PAFAH1B1: variants seen among roughly 807,000 people sequenced by gnomAD.
PAFAH1B1 encodes the protein platelet-activating factor acetylhydrolase IB subunit beta.
PAFAH1B1 carries 2 observed loss-of-function variants against 57.5 expected under a neutral mutation model. The observed-to-expected ratio is 0.03, with a 90% CI of 0.01 to 0.11. The LOEUF (loss-of-function observed/expected upper bound fraction) is 0.11, where lower values mean the gene tolerates loss of function less well. Among genes scored for constraint, PAFAH1B1 ranks in the 10% least tolerant of loss-of-function variants. The probability of loss-of-function intolerance (pLI) is 1.00; values close to 1 mark genes in which losing one functional copy is unlikely to be tolerated. For missense variants in PAFAH1B1, 257 were observed against 512.0 expected (o/e 0.50, Z 4.81); for synonymous variants, 152 against 169.6 (o/e 0.90, Z 0.81).
At chr17:2,614,020 G>GTTT (rs1567528392) in intron 1 of PAFAH1B1, 1 of 85,478 alleles carries the variant, frequency 1.2e-5, no homozygotes, top group African/African-American at 6.5e-5. Flanking sequence ...TTATATATTG[G>GTTT]GTTTTTTTTT....
intron 1 of PAFAH1B1, among the ~76,000 whole-genome samples, chr17:2,619,108 G>A (rs1000584901): frequency 6.6e-6 from 1 of 151,926 alleles, no homozygotes; most frequent in Non-Finnish European, 1.5e-5. Context: ...GTTTTAGCTG[G>A]GGTTTTTTGT....
chr17:2,647,521 A>T (rs935910653), intron 2 of PAFAH1B1, among the ~76,000 whole-genome samples: 12 of 152,182 alleles, frequency 7.9e-5, no homozygotes, highest in Non-Finnish European at 1.5e-4. Flanking sequence ...TGGGTGACAG[A>T]GTGAGACCCT....
At chr17:2,625,521 C>T (rs2068478132) in intron 1 of PAFAH1B1, among the ~76,000 whole-genome samples, 1 of 152,092 alleles carries the variant, frequency 6.6e-6, no homozygotes, top group South Asian at 2.1e-4. Flanking sequence ...ACTTCTATAC[C>T]AGGTAGTATG....
intron 1 of PAFAH1B1, among the ~76,000 whole-genome samples, chr17:2,636,475 C>T (rs1394506512): frequency 6.6e-6 from 1 of 152,006 alleles, no homozygotes; most frequent in Non-Finnish European, 1.5e-5. Flanking sequence ...GTTTTTGAGA[C>T]GGACTCTTCC....
At chr17:2,674,819 C>A (rs1484307011) in intron 8 of PAFAH1B1, among the ~76,000 whole-genome samples, 2 of 152,044 alleles carry the variant, frequency 1.3e-5, no homozygotes, top group Non-Finnish European at 2.9e-5. Flanking sequence ...TCTTTGTGAT[C>A]TTTATGGTTT....
chr17:2,670,125 T>C, intron 5 of PAFAH1B1, 38 bp from the exon 6 acceptor site: 1 of 1,587,102 alleles, frequency 6.3e-7, no homozygotes, highest in Non-Finnish European at 8.7e-7. Flanking sequence ...AAAGGAGTGA[T>C]GGAGTTGGTG....
intron 1 of PAFAH1B1, among the ~76,000 whole-genome samples, chr17:2,614,168 G>C (rs555225879): frequency 3.4e-5 from 5 of 148,904 alleles, no homozygotes; most frequent in Admixed American, 6.7e-5. Flanking sequence ...AGCTGGGACC[G>C]CAGGTGTGTG....
rs147133096 is a variant in PAFAH1B1, at chr17:2,616,785, C to T, written c.-190-21314C>T. ...TTATGGTGAAAGGCAAAGGGCAGAC[C>T]GGGTGCAGTGGCTCACGCCTGTAAT... On this transcript the variant is annotated intron_variant, in intron 1 of 10. Coordinates refer to ENST00000397195, the MANE Select transcript of PAFAH1B1 (RefSeq NM_000430.4). Among the ~76,000 whole-genome samples the T allele has an allele frequency of 6.5e-3, 992 of 152,064 alleles. 23 individuals are homozygous for T. The highest frequency in any genetic ancestry group is 2.6e-3 in the Non-Finnish European group (177 of 67,986).
In PAFAH1B1 at chr17:2,638,264, A is replaced by C; in HGVS notation, c.-25A>C. Reference sequence around the variant, plus strand: ...CAAAGGAGGGACATACCACTATATCAGATAAGCTTGACATTACAGCCAAGA... The same window carrying C: ...CAAAGGAGGGACATACCACTATATCCGATAAGCTTGACATTACAGCCAAGA... On this transcript the variant is annotated 5_prime_UTR_variant, in exon 2 of 11. Coordinates refer to ENST00000397195, the MANE Select transcript of PAFAH1B1 (RefSeq NM_000430.4). 6.2e-7 allele frequency: 1 copy of C among 1,605,636 alleles called. No individual in the cohort carries two copies. Among genetic ancestry groups the C allele is most frequent in the Non-Finnish European group, 8.5e-7 (1 of 1,173,546 alleles).
At chr17:2,668,903 G>A (rs923769763) in intron 5 of PAFAH1B1, among the ~76,000 whole-genome samples, 1 of 151,518 alleles carries the variant, frequency 6.6e-6, no homozygotes, top group African/African-American at 2.4e-5. Context: ...GTGAACCCGG[G>A]AGGCGGAGCT....
chr17:2,638,467 T>C, intron 2 of PAFAH1B1, 147 bp downstream of exon 2: 1 of 683,098 alleles, frequency 1.5e-6, no homozygotes. Context: ...TTGGTCTGAT[T>C]TTAAAACAGT....
chr17:2,646,174 T>C lies in PAFAH1B1; in HGVS notation c.32+7854T>C, dbSNP rs146669712. On this transcript the variant is annotated intron_variant, in intron 2 of 10. Coordinates refer to ENST00000397195, the MANE Select transcript of PAFAH1B1 (RefSeq NM_000430.4). ...TAAATAAAAGCAGACCTTAATAAAA[T>C]AGAAAATAGTCCAGTAAACTTAATT... is the stretch of plus-strand genomic sequence containing the variant. 1.3e-3 allele frequency among the ~76,000 whole-genome samples: 198 copies of C among 152,114 alleles called. 1 individual carries two copies. Among genetic ancestry groups the C allele is most frequent in the Middle Eastern group, 0.01 (3 of 294 alleles).
At chr17:2,601,849 C>T (rs2068147841) in intron 1 of PAFAH1B1, among the ~76,000 whole-genome samples, 1 of 152,164 alleles carries the variant, frequency 6.6e-6, no homozygotes, top group South Asian at 2.1e-4. Context: ...ACCTTTACCT[C>T]CCAATGTGCT....
chr17:2,676,340 G>A (rs956373970), intron 8 of PAFAH1B1, 165 bp from the exon 9 acceptor site: 9 of 589,950 alleles, frequency 1.5e-5, no homozygotes, highest in African/African-American at 7.5e-5. Context: ...ATTGCACCAC[G>A]GTACTCCAGC....
intron 1 of PAFAH1B1, among the ~76,000 whole-genome samples, chr17:2,611,650 GCTTA>G (rs974632896): frequency 2.6e-5 from 4 of 152,024 alleles, no homozygotes; most frequent in Non-Finnish European, 5.9e-5. Context: ...TCGGAGTCTC[GCTTA>G]CTTTTTCTTT....
At chr17:2,610,783 T>C (rs1279834035) in intron 1 of PAFAH1B1, among the ~76,000 whole-genome samples, 1 of 152,254 alleles carries the variant, frequency 6.6e-6, no homozygotes, top group East Asian at 1.9e-4. Flanking sequence ...ATTATTATTA[T>C]CCTCTTCAAC....
chr17:2,605,603 T>C (rs757617054), intron 1 of PAFAH1B1, among the ~76,000 whole-genome samples: 1 of 152,200 alleles, frequency 6.6e-6, no homozygotes, highest in African/African-American at 2.4e-5. Context: ...CTTTTGCTGC[T>C]TTGACTCCCT....
At position 2,679,732 on chromosome 17, in the gene PAFAH1B1, T is replaced by G. The variant is rs1239592422; in HGVS notation, c.1003-432T>G. The G allele has an allele frequency of 2.3e-5, 5 of 215,524 alleles. No homozygotes were observed. In the Admixed American group the frequency reaches 2.6e-4, roughly 11 times the overall value. 13.4% of individuals were successfully genotyped at this position (215,524 alleles called of 1,614,324 possible). On this transcript the variant is annotated intron_variant, in intron 9 of 10. Coordinates refer to ENST00000397195, the MANE Select transcript of PAFAH1B1 (RefSeq NM_000430.4). ...CTTAGTTACCATTTGTTGGTTTTCC[T>G]TCATGTATGTGTGTATATTTTGCTG...
At chr17:2,673,233 A>G (rs1403697991) in intron 7 of PAFAH1B1, among the ~76,000 whole-genome samples, 1 of 152,256 alleles carries the variant, frequency 6.6e-6, no homozygotes, top group Non-Finnish European at 1.5e-5. Context: ...AAAAAGGAGC[A>G]CAGAGACATT....
Sources: allele counts gnomAD v4.1 joint callset (sites outside exome capture counted in the v4.1 genomes callset), GRCh38; gene constraint gnomAD v4.1.1; transcripts MANE v1.5; gene names NCBI Gene and HGNC (gene_info 2026-07-23, HGNC 2026-07-21).